Variants in NAALADL2 observed in about 807,000 individuals in gnomAD.
NAALADL2 encodes N-acetylated alpha-linked acidic dipeptidase like 2.
In NAALADL2, 76 loss-of-function variants were observed where a neutral mutation model predicts 87.2. That is an observed-to-expected ratio of 0.87 (90% confidence interval 0.72 to 1.05). The LOEUF is 1.05. Among genes scored for constraint, NAALADL2 ranks in the 50% least tolerant of loss-of-function variants. The probability of loss-of-function intolerance (pLI) is 0.00; values close to 1 mark genes in which losing one functional copy is unlikely to be tolerated. For missense variants in NAALADL2, 1,089 were observed against 945.8 expected (o/e 1.15, Z -1.99); for synonymous variants, 354 against 331.0 (o/e 1.07, Z -0.75).
At chr3:175,028,734 G>A (rs1432237600) in intron 1 of NAALADL2, among the ~76,000 whole-genome samples, 2 of 151,628 alleles carry the variant, frequency 1.3e-5, no homozygotes, top group African/African-American at 2.4e-5. Context: ...ATATATTTCA[G>A]GATCTAAATG....
At chr3:175,343,647 T>C (rs1478564427) in intron 5 of NAALADL2, among the ~76,000 whole-genome samples, 8 of 146,534 alleles carry the variant, frequency 5.5e-5, no homozygotes, top group African/African-American at 1.6e-4. Context: ...CCTGTGTGTC[T>C]TGATCATGTT....
chr3:175,552,138 A>G (rs557441176), intron 9 of NAALADL2, among the ~76,000 whole-genome samples: 1 of 147,948 alleles, frequency 6.8e-6, no homozygotes, highest in Non-Finnish European at 1.5e-5. Context: ...TATATGTACT[A>G]TAATGGGAAT....
chr3:174,717,603 T>A (rs1273235318), intron 2 of NAALADL2, among the ~76,000 whole-genome samples: 1 of 152,148 alleles, frequency 6.6e-6, no homozygotes, highest in Non-Finnish European at 1.5e-5. Flanking sequence ...AATTCTAGAC[T>A]GTAGTCTCAG....
chr3:175,747,892 A>C (rs1746132296), intron 12 of NAALADL2, among the ~76,000 whole-genome samples: 1 of 152,200 alleles, frequency 6.6e-6, no homozygotes, highest in South Asian at 2.1e-4. Context: ...TCTAAAATAA[A>C]TGGACAGACA....
intron 1 of NAALADL2, among the ~76,000 whole-genome samples, chr3:175,007,017 C>T (rs999343845): frequency 4.7e-4 from 71 of 151,614 alleles, no homozygotes; most frequent in African/African-American, 1.7e-3. Context: ...TAACCTTATT[C>T]ATAGCTCATT....
chr3:175,376,833 G>A (rs1352361731), intron 5 of NAALADL2, among the ~76,000 whole-genome samples: 1 of 152,030 alleles, frequency 6.6e-6, no homozygotes, highest in East Asian at 1.9e-4. Context: ...TGCTTCAGCT[G>A]GGGTTGTTTC....
Position 174,825,092 on chromosome 3 carries a change from T to C in NAALADL2, c.-9+87346T>C, listed in dbSNP as rs185608535. On this transcript the variant is annotated intron_variant, in intron 3 of 3. Transcript: ENST00000434257. ...TTCTCTCATGTGGCCCAGTGTATTA[T>C]TTTCCAGAAAAATAGAACCAGTAGG... 1.5e-3 allele frequency among the ~76,000 whole-genome samples: 223 copies of C among 152,324 alleles called. 1 individual carries two copies. The highest frequency in any genetic ancestry group is 5.1e-3 in the African/African-American group (213 of 41,580).
intron 1 of NAALADL2, among the ~76,000 whole-genome samples, chr3:174,463,428 G>A (rs1716329627): frequency 6.6e-6 from 1 of 152,114 alleles, no homozygotes; most frequent in African/African-American, 2.4e-5. Flanking sequence ...TTGAAGGGTT[G>A]TTAGATAAAT....
intron 1 of NAALADL2, among the ~76,000 whole-genome samples, chr3:174,879,052 G>A (rs1199518482): frequency 8.4e-6 from 1 of 118,562 alleles, no homozygotes; most frequent in Non-Finnish European, 1.9e-5. Context: ...TCCAGTACAG[G>A]ACAAGCCAAA....
intron 3 of NAALADL2, among the ~76,000 whole-genome samples, chr3:174,816,361 G>A (rs545669194): frequency 1.3e-5 from 2 of 150,190 alleles, no homozygotes; most frequent in South Asian, 4.2e-4. Flanking sequence ...TGCTGTCTTG[G>A]GAGCCCTGGA....
At chr3:175,708,908 A>C (rs1005830566) in intron 11 of NAALADL2, among the ~76,000 whole-genome samples, 1 of 152,084 alleles carries the variant, frequency 6.6e-6, no homozygotes, top group African/African-American at 2.4e-5. Flanking sequence ...AACAGATATC[A>C]ATGGAAAACT....
chr3:175,576,776 C>T (rs1287083981), intron 10 of NAALADL2, among the ~76,000 whole-genome samples: 1 of 152,126 alleles, frequency 6.6e-6, no homozygotes, highest in Non-Finnish European at 1.5e-5. Flanking sequence ...GAAACTGTTT[C>T]TCTGTGGATC....
intron 1 of NAALADL2, among the ~76,000 whole-genome samples, chr3:174,469,244 AAC>A (rs1716743263): frequency 6.6e-6 from 1 of 151,518 alleles, no homozygotes; most frequent in African/African-American, 2.4e-5. Flanking sequence ...TGTAGAAGCA[AAC>A]ACCAGTCTCC....
chr3:174,970,690 A>C (rs777078421), intron 1 of NAALADL2, among the ~76,000 whole-genome samples: 9 of 151,918 alleles, frequency 5.9e-5, no homozygotes, highest in Admixed American at 1.3e-4. Context: ...TACATCTTTC[A>C]CTCTATTTTC....
chr3:175,607,655 G>GT (rs559779794), intron 10 of NAALADL2, among the ~76,000 whole-genome samples: 7 of 152,030 alleles, frequency 4.6e-5, no homozygotes, highest in Non-Finnish European at 8.8e-5. Flanking sequence ...GTTCAAATTG[G>GT]TTATAAACTG....
At chr3:175,080,274 T>C (rs1227192756) in intron 1 of NAALADL2, among the ~76,000 whole-genome samples, 2 of 152,232 alleles carry the variant, frequency 1.3e-5, no homozygotes, top group African/African-American at 2.4e-5. Context: ...AACTATAGAC[T>C]ATTTTTAGAA....
chr3:175,486,237 G>A (rs1727238281), intron 9 of NAALADL2, among the ~76,000 whole-genome samples: 2 of 152,146 alleles, frequency 1.3e-5, no homozygotes, highest in Admixed American at 6.6e-5. Context: ...ACAGTCAAAA[G>A]GGAATAACAT....
At chr3:174,675,525 T>C (rs546336846) in intron 2 of NAALADL2, among the ~76,000 whole-genome samples, 3 of 152,212 alleles carry the variant, frequency 2.0e-5, no homozygotes, top group South Asian at 4.1e-4. Context: ...AAATACTTGA[T>C]GGTAAAAAAG....
chr3:175,434,935 T>C (rs762228035), intron 5 of NAALADL2, among the ~76,000 whole-genome samples: 54 of 152,080 alleles, frequency 3.6e-4, no homozygotes, highest in Non-Finnish European at 2.6e-4. Context: ...TAGTTTATGG[T>C]TGTTTCCAAA....
Sources: gnomAD v4.1 joint callset for allele counts (sites outside exome capture counted in the v4.1 genomes callset) on GRCh38, gnomAD v4.1.1 for gene constraint, MANE v1.5 for transcripts, NCBI Gene and HGNC (gene_info 2026-07-23, HGNC 2026-07-21) for gene names.